The following SQSTM1 variants were observed in gnomAD, a reference collection of about 807,000 sequenced individuals.
The protein encoded by SQSTM1 is sequestosome 1, also known as sequestosome-1.
Under a neutral mutation model 45.1 loss-of-function variants are expected in SQSTM1, and 36 were observed. The observed-to-expected ratio is 0.80, with a 90% CI of 0.61 to 1.05. The LOEUF (loss-of-function observed/expected upper bound fraction) is 1.05. Ranked by LOEUF, SQSTM1 falls within the 50% of genes least tolerant of loss-of-function variation. The pLI, the probability that SQSTM1 is intolerant of heterozygous loss-of-function variation, is 0.00. For synonymous variants in SQSTM1, 290 were observed against 244.3 expected (o/e 1.19, Z -1.74); for missense variants, 617 against 607.1 (o/e 1.02, Z -0.17).
chr5:179,828,106 T>C (rs145196038), intron 5 of SQSTM1, among the ~76,000 whole-genome samples: 49 of 152,316 alleles, frequency 3.2e-4, no homozygotes, highest in African/African-American at 1.1e-3. Context: ...CTAGTCTTTT[T>C]TTTAAGTGAA....
At chr5:179,810,098 A>T (rs994557917) in intron 1 of SQSTM1, among the ~76,000 whole-genome samples, 1 of 151,904 alleles carries the variant, frequency 6.6e-6, no homozygotes, top group African/African-American at 2.4e-5. Context: ...ATTTTTTTTT[A>T]ATTTAAATTT....
intron 5 of SQSTM1, among the ~76,000 whole-genome samples, chr5:179,832,647 G>A (rs554923039): frequency 2.0e-5 from 3 of 152,164 alleles, no homozygotes; most frequent in Admixed American, 6.5e-5. Context: ...GGTCTCTTTC[G>A]ACTTTCTGGC....
At chr5:179,826,727 A>C (rs1446232848) in intron 5 of SQSTM1, among the ~76,000 whole-genome samples, 1 of 151,014 alleles carries the variant, frequency 6.6e-6, no homozygotes, top group Non-Finnish European at 1.5e-5. Flanking sequence ...CAGCCTCCCA[A>C]GTAGCTGGGA....
chr5:179,832,894 C>G, intron 5 of SQSTM1, 138 bp from the exon 6 acceptor site: 1 of 860,644 alleles, frequency 1.2e-6, no homozygotes, highest in East Asian at 2.6e-5. Context: ...CTGAGTGCCA[C>G]CATCCAGACA....
rs755172841 is a variant in SQSTM1 at position 179,820,935 on chromosome 5, C to T, written c.-2C>T. On this transcript the variant is annotated 5_prime_UTR_variant, in exon 1 of 8. Transcript: ENST00000389805. ...CCGTTTTCCGCCAGCTCGCCGCTCG[C>T]TATGGCGTCGCTCACCGTGAAGGCC... The T allele has an allele frequency of 3.2e-6, 5 of 1,547,790 alleles. No homozygotes were observed. Among genetic ancestry groups the T allele is most frequent in the Admixed American group, 3.6e-5 (2 of 55,110 alleles).
chr5:179,818,716 C>A (rs955950912), upstream of SQSTM1, among the ~76,000 whole-genome samples: 3 of 152,214 alleles, frequency 2.0e-5, no homozygotes, highest in Non-Finnish European at 4.4e-5. Flanking sequence ...AAACAACTCG[C>A]ACACCCACGG....
At chr5:179,822,440 C>A (rs747345719) in intron 1 of SQSTM1, 2 of 223,808 alleles carry the variant, frequency 8.9e-6, no homozygotes, top group Non-Finnish European at 1.8e-5. Flanking sequence ...TCATATGTAT[C>A]TGTCACAAAT....
chr5:179,832,218 A>G (rs1481157618), intron 5 of SQSTM1, among the ~76,000 whole-genome samples: 2 of 152,260 alleles, frequency 1.3e-5, no homozygotes, highest in African/African-American at 4.8e-5. Flanking sequence ...GAAAGGGCAC[A>G]GGGAGAGTTT....
At chr5:179,828,369 CTTTTTTTTT>C (rs57483633) in intron 5 of SQSTM1, among the ~76,000 whole-genome samples, 1 of 98,302 alleles carries the variant, frequency 1.0e-5, no homozygotes, top group Admixed American at 1.0e-4. Context: ...TTTTTCTTAT[CTTTTTTTTT>C]TTTTTTTTTT....
At chr5:179,836,392 A>G in intron 7 of SQSTM1, 44 bp from the exon 8 acceptor site, 1 of 1,613,888 alleles carries the variant, frequency 6.2e-7, no homozygotes, top group Non-Finnish European at 8.5e-7. Context: ...GGTCACTCAC[A>G]GGGCTCAGCA....
In SQSTM1 at chr5:179,836,588, T is replaced by C; in HGVS notation, c.1318T>C (p.Leu440=). The C allele has an allele frequency of 1.9e-6, 3 of 1,614,182 alleles. No individual in the cohort carries two copies. The highest frequency in any genetic ancestry group is 2.5e-6 in the Non-Finnish European group (3 of 1,180,034). The change falls in exon 8 of 8, where the codon TTG becomes CTG. Residue 440 remains leucine, a synonymous_variant. Coordinates refer to ENST00000389805, the MANE Select transcript of SQSTM1 (RefSeq NM_003900.5). The part of the protein sequence containing the change: ...TIQYSKHPPP[L] ...CCAGTATTCAAAGCATCCCCCGCCG[T>C]TGTGACCACTTTTGCCCACCTCTTC...
At chr5:179,812,280 CT>C (rs1051452435) in intron 2 of SQSTM1, 3 of 149,342 alleles carry the variant, frequency 2.0e-5, no homozygotes, top group African/African-American at 7.7e-5. Flanking sequence ...CCTCGGGCTC[CT>C]TCCAGGGCAG....
chr5:179,819,143 G>A (rs1385523303), upstream of SQSTM1: 6 of 152,258 alleles, frequency 3.9e-5, no homozygotes, highest in East Asian at 1.2e-3. Context: ...TGACCTCCGC[G>A]GCGGGAGGAG....
At chr5:179,819,981 C>T (rs1317933295), upstream of SQSTM1, 1 of 152,486 alleles carries the variant, frequency 6.6e-6, no homozygotes, top group Non-Finnish European at 1.5e-5. Context: ...GTTCTGACCT[C>T]CTACTCACAG....
At chr5:179,836,050 A>G in intron 7 of SQSTM1, 1 of 339,284 alleles carries the variant, frequency 2.9e-6, no homozygotes, top group Non-Finnish European at 5.7e-6. Flanking sequence ...TCTTGTATCC[A>G]TTCATCTCTC....
chr5:179,833,666 C>G lies in SQSTM1; in HGVS notation c.1049C>G (p.Thr350Arg). Reference sequence around the variant, plus strand: ...TCTTCAAAAGAAGTGGACCCGTCTACAGGTGAACTCCAGTCCCTACAGATG... The same window carrying G: ...TCTTCAAAAGAAGTGGACCCGTCTAGAGGTGAACTCCAGTCCCTACAGATG... ...HLSSKEVDPS[T>R]GELQSLQMPE... is the part of the protein sequence containing the mutation. The change falls in exon 7 of 8, where the codon ACA (threonine) becomes AGA (arginine). Residue 350 changes from threonine (T) to arginine (R), a missense_variant. Transcript: ENST00000389805. The G allele has an allele frequency of 6.2e-7, 1 of 1,614,168 alleles. No individual in the cohort carries two copies. Among genetic ancestry groups the G allele is most frequent in the Middle Eastern group, 1.6e-4 (1 of 6,062 alleles).
upstream of SQSTM1, among the ~76,000 whole-genome samples, chr5:179,816,789 G>A (rs1443475604): frequency 2.6e-5 from 4 of 151,940 alleles, 1 homozygote; most frequent in Non-Finnish European, 5.9e-5. Context: ...ACTCCTTGTC[G>A]CCGCCCCCCC....
intron 5 of SQSTM1, among the ~76,000 whole-genome samples, chr5:179,828,364 CTTATCTTT>C (rs1210622102): frequency 3.3e-5 from 4 of 120,148 alleles, no homozygotes; most frequent in African/African-American, 1.3e-4. Flanking sequence ...TTTTTTTTTT[CTTATCTTT>C]TTTTTTTTTT....
chr5:179,815,147 T>C (rs1394542995), upstream of SQSTM1, among the ~76,000 whole-genome samples: 2 of 152,144 alleles, frequency 1.3e-5, no homozygotes, highest in East Asian at 3.9e-4. Flanking sequence ...TCGGGTGTGG[T>C]GGCTCACGCC....
Sources: gnomAD v4.1 joint callset for allele counts (sites outside exome capture counted in the v4.1 genomes callset) on GRCh38, gnomAD v4.1.1 for gene constraint, MANE v1.5 for transcripts, NCBI Gene and HGNC (gene_info 2026-07-23, HGNC 2026-07-21) for gene names.